Variants in RPRD2 observed in about 807,000 individuals in gnomAD.
RPRD2 encodes regulation of nuclear pre-mRNA domain-containing protein 2.
Under a neutral mutation model 104.4 loss-of-function variants are expected in RPRD2, and 12 were observed. The observed-to-expected ratio is 0.11, with a 90% confidence interval of 0.07 to 0.19. RPRD2 has a LOEUF of 0.19. Ranked by LOEUF, RPRD2 falls within the 10% of genes least tolerant of loss-of-function variation. The pLI is 1.00. For synonymous variants in RPRD2, 714 were observed against 684.9 expected, an observed-to-expected ratio of 1.04 and a Z score of -0.66; for missense variants, 1,543 against 1,790.1, an observed-to-expected ratio of 0.86 and a Z score of 2.49.
chr1:150,433,645 A>G lies in RPRD2; in HGVS notation c.336-7278A>G, dbSNP rs913603144. ...ATTTTTAGTAGAGATGGGGTTTCAC[A>G]GTGTTAGCCAGGATGGTCTCAATCT... On this transcript the variant is annotated intron_variant, in intron 2 of 10. Transcript: ENST00000369068. Among the ~76,000 whole-genome samples, 17 of 148,276 alleles carry G rather than the reference A, an allele frequency of 1.1e-4. No homozygotes were observed. In the East Asian group the frequency reaches 2.9e-3, roughly 26 times the overall value.
At chr1:150,455,469 T>C (rs1477735020) in intron 7 of RPRD2, among the ~76,000 whole-genome samples, 1 of 150,988 alleles carries the variant, frequency 6.6e-6, no homozygotes, top group African/African-American at 2.4e-5. Context: ...ACCACTGCAC[T>C]CCAGCCTGGG....
chr1:150,377,357 T>C (rs1352237542), intron 1 of RPRD2, among the ~76,000 whole-genome samples: 2 of 152,088 alleles, frequency 1.3e-5, no homozygotes, highest in East Asian at 3.9e-4. Context: ...TCCCAGTACT[T>C]TGGGAGGCCG....
rs782030485 is a variant in RPRD2 at position 150,445,098 on chromosome 1, G to C, written c.694+721G>C. ...GCTGCTTGGGAGGCTGAGGCAAGCA[G>C]ATTGTTTGACCCCAGGAGGCTGTAG... On this transcript the variant is annotated intron_variant, in intron 6 of 10. Coordinates refer to ENST00000369068, the MANE Select transcript of RPRD2 (RefSeq NM_015203.5). 2.6e-5 allele frequency among the ~76,000 whole-genome samples: 4 copies of C among 152,290 alleles called. No individual in the cohort carries two copies. In the East Asian group the frequency reaches 7.7e-4, roughly 29 times the overall value.
chr1:150,445,330 A>G (rs955878262), intron 6 of RPRD2, among the ~76,000 whole-genome samples: 1 of 152,212 alleles, frequency 6.6e-6, no homozygotes, highest in African/African-American at 2.4e-5. Flanking sequence ...CACAACTGAT[A>G]AGAGGCAAAG....
chr1:150,463,300 C>T (rs1178040933), intron 9 of RPRD2, among the ~76,000 whole-genome samples: 1 of 152,150 alleles, frequency 6.6e-6, no homozygotes, highest in East Asian at 1.9e-4. Context: ...ATGTCCACTG[C>T]ACTCCAGCCT....
intron 6 of RPRD2, among the ~76,000 whole-genome samples, 159 bp from the exon 7 acceptor site, chr1:150,446,067 C>CAAA (rs5777728): frequency 0.22 from 20,464 of 91,634 alleles, 1,903 homozygotes; most frequent in Non-Finnish European, 0.27. Flanking sequence ...GACTCCGTCT[C>CAAA]AAAAAAAAAA....
intron 7 of RPRD2, 67 bp downstream of exon 7, chr1:150,446,468 C>A: frequency 7.8e-7 from 1 of 1,288,004 alleles, no homozygotes; most frequent in Non-Finnish European, 1.1e-6. Context: ...TGTTAACATG[C>A]ATTATCTAAC....
chr1:150,441,663 G>C (rs1289460139), intron 3 of RPRD2: 2 of 426,090 alleles, frequency 4.7e-6, no homozygotes, highest in African/African-American at 4.1e-5. Flanking sequence ...ATTCTTTTCA[G>C]AATTGGTAAT....
intron 8 of RPRD2, among the ~76,000 whole-genome samples, chr1:150,459,050 G>T (rs1667740111): frequency 6.6e-6 from 1 of 152,176 alleles, no homozygotes; most frequent in Non-Finnish European, 1.5e-5. Context: ...GGGATGAGGG[G>T]TCACTTATAC....
chr1:150,447,302 C>T (rs1042249149), intron 7 of RPRD2, among the ~76,000 whole-genome samples: 1 of 151,140 alleles, frequency 6.6e-6, no homozygotes, highest in Non-Finnish European at 1.5e-5. Flanking sequence ...ATCCTGTTAC[C>T]AAATTTCATG....
chr1:150,391,409 C>T (rs1662051058), intron 1 of RPRD2, among the ~76,000 whole-genome samples: 1 of 152,122 alleles, frequency 6.6e-6, no homozygotes, highest in African/African-American at 2.4e-5. Flanking sequence ...CTGCTTTGGC[C>T]TCACAAAGTG....
chr1:150,471,161 T>A lies in RPRD2; in HGVS notation c.2213T>A (p.Met738Lys), dbSNP rs1446586747. 6.2e-7 allele frequency: 1 copy of A among 1,613,880 alleles called. No homozygotes were observed. Among genetic ancestry groups the A allele is most frequent in the Admixed American group, 1.7e-5 (1 of 60,014 alleles). ...AGTGGGACACCCACCCAGGATGAGATGATGGACAAGCCCACATCCAGCAGT... is the reference window on the plus strand; with the variant it reads ...AGTGGGACACCCACCCAGGATGAGAAGATGGACAAGCCCACATCCAGCAGT... ...ERSGTPTQDE[M>K]MDKPTSSSVD... Residue 738 changes from methionine (M) to lysine (K), a missense_variant, in exon 11 of 11, where the codon ATG (methionine) becomes AAG (lysine). Physicochemically the swap from Met to Lys is moderately conservative, Grantham distance 95 (BLOSUM62 -1). This residue lies in a region of RPRD2 where 572 missense variants were observed against 787.3 expected (regional missense o/e 0.73). Transcript: ENST00000369068. This position sits in a 1 kb window ranked among gnomAD's most constrained non-coding sequence, Gnocchi z 5.3.
At chr1:150,371,130 A>G (rs77729892) in intron 1 of RPRD2, among the ~76,000 whole-genome samples, 16 of 152,340 alleles carry the variant, frequency 1.1e-4, no homozygotes, top group African/African-American at 3.8e-4. Flanking sequence ...GAATTTACAA[A>G]GTACGGTTAA....
At chr1:150,391,528 G>A (rs1662064622) in intron 1 of RPRD2, among the ~76,000 whole-genome samples, 1 of 152,194 alleles carries the variant, frequency 6.6e-6, no homozygotes, top group African/African-American at 2.4e-5. Flanking sequence ...GAGATAAAAT[G>A]CAGTGCTAAG....
chr1:150,428,285 C>G (rs1553890919), intron 2 of RPRD2, among the ~76,000 whole-genome samples: 3 of 151,824 alleles, frequency 2.0e-5, no homozygotes, highest in African/African-American at 7.3e-5. Context: ...AACCCTGTCT[C>G]TACTAAAAAT....
At chr1:150,378,908 G>A (rs587679796) in intron 1 of RPRD2, among the ~76,000 whole-genome samples, 6 of 151,156 alleles carry the variant, frequency 4.0e-5, no homozygotes, top group South Asian at 2.1e-4. Flanking sequence ...CCTTGGACCC[G>A]GAGGTGGAAG....
chr1:150,431,473 A>AGTTTTTTT (rs1337827257), intron 2 of RPRD2, among the ~76,000 whole-genome samples: 1 of 78,850 alleles, frequency 1.3e-5, no homozygotes, highest in Non-Finnish European at 2.4e-5. Flanking sequence ...AAAAGGAAGG[A>AGTTTTTTT]TTTTTTTTTT....
intron 1 of RPRD2, among the ~76,000 whole-genome samples, chr1:150,368,654 G>A (rs1553877639): frequency 6.6e-6 from 1 of 152,006 alleles, no homozygotes; most frequent in East Asian, 1.9e-4. Flanking sequence ...AGTAGACGCA[G>A]GGTTTCACCA....
At chr1:150,384,639 T>TTGTGTGTGTGTGTGTG (rs71086504) in intron 1 of RPRD2, among the ~76,000 whole-genome samples, 7 of 133,352 alleles carry the variant, frequency 5.2e-5, no homozygotes, top group African/African-American at 2.0e-4. Flanking sequence ...CCTGGCTAAT[T>TTGTGTGTGTGTGTGTG]TGTGTGTGTG....
Sources: allele counts gnomAD v4.1 joint callset (sites outside exome capture counted in the v4.1 genomes callset), GRCh38; gene constraint gnomAD v4.1.1; regional missense constraint gnomAD v4.1.1; non-coding constraint Gnocchi (gnomAD v3.1); transcripts MANE v1.5; gene names NCBI Gene and HGNC (gene_info 2026-07-23, HGNC 2026-07-21).